The following COL23A1 variants were observed in gnomAD, a reference collection of about 807,000 sequenced individuals.
COL23A1 encodes the protein collagen type XXIII alpha 1 chain, also known as collagen alpha-1(XXIII) chain.
In COL23A1, 97 loss-of-function variants were observed where a neutral mutation model predicts 99.3. The ratio of observed to expected loss-of-function variants is 0.98; its 90% CI spans 0.83 to 1.16. COL23A1 has a LOEUF of 1.16. Ranked by LOEUF, COL23A1 falls within the 50% of genes most tolerant of loss-of-function variation. The pLI is 0.00. For synonymous variants in COL23A1, 320 were observed against 308.2 expected (o/e 1.04, Z -0.40); for missense variants, 762 against 757.4 (o/e 1.01, Z -0.07).
At position 178,270,354 on chromosome 5, in the gene COL23A1, C is replaced by G; in HGVS notation, c.451G>C (p.Gly151Arg). 1 of 1,613,946 alleles carries G rather than the reference C, an allele frequency of 6.2e-7. No homozygotes were observed. The highest frequency in any genetic ancestry group is 8.5e-7 in the Non-Finnish European group (1 of 1,179,960). The change falls in exon 6 of 29, where the codon GGT becomes CGT. Residue 151 changes from glycine to arginine, a missense_variant. Transcript: ENST00000390654. Reference sequence around the variant, plus strand: ...TCACTTACGGGCTTGCCATCCAAACCCAGGGGTCCCTGGAAAACGAGAGAG... The same window carrying G: ...TCACTTACGGGCTTGCCATCCAAACGCAGGGGTCCCTGGAAAACGAGAGAG... ...SGRDGYPGPL[G>R]LDGKPGLPGP...
chr5:178,492,065 T>C (rs1757962348), intron 2 of COL23A1, among the ~76,000 whole-genome samples: 1 of 152,212 alleles, frequency 6.6e-6, no homozygotes. Context: ...TTCAATTCAA[T>C]TAATACAAAT....
intron 19 of COL23A1, 104 bp from the exon 20 acceptor site, chr5:178,248,358 C>A: frequency 1.2e-6 from 1 of 813,770 alleles, no homozygotes; most frequent in East Asian, 2.8e-5. Context: ...CTCCTGAGAG[C>A]AGTCATCAGT....
intron 2 of COL23A1, among the ~76,000 whole-genome samples, chr5:178,488,918 C>T (rs1048858115): frequency 4.6e-5 from 7 of 152,160 alleles, no homozygotes; most frequent in Admixed American, 1.3e-4. Context: ...CGCTGAGCAG[C>T]GGTGCAAACA....
intron 1 of COL23A1, among the ~76,000 whole-genome samples, chr5:178,570,588 G>T (rs1763044378): frequency 6.6e-6 from 1 of 152,112 alleles, no homozygotes; most frequent in Non-Finnish European, 1.5e-5. Context: ...GACTAGATTT[G>T]CCATTCTGCC....
At chr5:178,316,071 T>A (rs927187637) in intron 2 of COL23A1, among the ~76,000 whole-genome samples, 4 of 152,196 alleles carry the variant, frequency 2.6e-5, no homozygotes, top group African/African-American at 7.2e-5. Context: ...GTTAGAGAGG[T>A]ATTTGTTTAA....
intron 2 of COL23A1, among the ~76,000 whole-genome samples, chr5:178,316,861 A>C (rs1408683322): frequency 6.6e-6 from 1 of 152,090 alleles, no homozygotes; most frequent in Non-Finnish European, 1.5e-5. Context: ...AAAAAAAAAA[A>C]ACGTTGCTTG....
intron 2 of COL23A1, among the ~76,000 whole-genome samples, chr5:178,425,592 C>T (rs984215550): frequency 3.6e-4 from 55 of 151,914 alleles, no homozygotes; most frequent in African/African-American, 1.2e-3. Flanking sequence ...GGAAATCAAA[C>T]GAGATATCAG....
intron 5 of COL23A1, among the ~76,000 whole-genome samples, chr5:178,272,720 A>G (rs1756360566): frequency 6.6e-6 from 1 of 151,976 alleles, no homozygotes; most frequent in African/African-American, 2.4e-5. Flanking sequence ...TCGGTAGTAC[A>G]CTAAATTTGG....
rs201886177 is a variant in COL23A1, at chr5:178,248,192, C to A, written c.1212G>T (p.Leu404=). The part of the protein sequence containing the change: ...ESASDSLQES[L]AQLIVEPGPP... ...CCCTGACCCCCCCATACCCCCTTAC[C>A]AGGCTCTCCTGTAGGCTGTCAGACG... The change falls in exon 20 of 29, where the codon CTG becomes CTT. Residue 404 remains leucine, a splice_region_variant and synonymous_variant. Transcript: ENST00000390654. 1,853 of 1,598,094 alleles carry A rather than the reference C, an allele frequency of 1.2e-3. 3 individuals carry two copies. The highest frequency in any genetic ancestry group is 1.4e-3 in the Non-Finnish European group (1,687 of 1,165,966).
intron 2 of COL23A1, among the ~76,000 whole-genome samples, chr5:178,486,555 G>A (rs1280360046): frequency 3.3e-5 from 5 of 152,068 alleles, no homozygotes; most frequent in African/African-American, 9.7e-5. Flanking sequence ...AAAAAGAAAC[G>A]AATAATTGGC....
At chr5:178,522,725 A>G (rs1231439915) in intron 2 of COL23A1, among the ~76,000 whole-genome samples, 1 of 152,164 alleles carries the variant, frequency 6.6e-6, no homozygotes, top group Non-Finnish European at 1.5e-5. Flanking sequence ...GACCAACACC[A>G]AAAGATGTGA....
intron 2 of COL23A1, among the ~76,000 whole-genome samples, chr5:178,373,293 G>A (rs1221230617): frequency 1.3e-5 from 2 of 152,240 alleles, no homozygotes; most frequent in African/African-American, 4.8e-5. Flanking sequence ...GGGTTGCCAT[G>A]GCTGTGAGAT....
chr5:178,262,625 G>A (rs1008826330), intron 9 of COL23A1, among the ~76,000 whole-genome samples: 1 of 152,166 alleles, frequency 6.6e-6, no homozygotes, highest in African/African-American at 2.4e-5. Flanking sequence ...GTAGGATGGG[G>A]CCTGGCCTCT....
At chr5:178,450,486 C>T (rs1242769045) in intron 2 of COL23A1, among the ~76,000 whole-genome samples, 1 of 152,136 alleles carries the variant, frequency 6.6e-6, no homozygotes, top group Admixed American at 6.5e-5. Context: ...GGACATCGCA[C>T]GCTGAGAACG....
At chr5:178,344,922 G>C (rs1760876935) in intron 2 of COL23A1, 2 of 699,914 alleles carry the variant, frequency 2.9e-6, no homozygotes, top group South Asian at 1.4e-5. Flanking sequence ...AGAGAATTTG[G>C]GTCTCGATCC....
intron 2 of COL23A1, among the ~76,000 whole-genome samples, chr5:178,367,146 G>C (rs1172654561): frequency 6.6e-6 from 1 of 152,208 alleles, no homozygotes; most frequent in Non-Finnish European, 1.5e-5. Flanking sequence ...ATCGTTATCT[G>C]AGGGTATCAC....
chr5:178,534,047 T>C (rs1760798634), intron 2 of COL23A1, among the ~76,000 whole-genome samples: 2 of 152,154 alleles, frequency 1.3e-5, no homozygotes, highest in Non-Finnish European at 2.9e-5. Flanking sequence ...AACCTGACAG[T>C]CTCTCCATTA....
At chr5:178,304,153 T>C (rs1183585023) in intron 3 of COL23A1, among the ~76,000 whole-genome samples, 1 of 152,028 alleles carries the variant, frequency 6.6e-6, no homozygotes, top group African/African-American at 2.4e-5. Flanking sequence ...GATCACCCTA[T>C]CTGCAGGCCT....
Position 178,310,039 on chromosome 5 carries a change from G to C in COL23A1, c.362-3120C>G, listed in dbSNP as rs1228545006. ...CCTGAAAAGACTGCAAGTCCAGCAAGCTCCAGGGCTTAGGAGAGACACAGG... is the reference window on the plus strand; with the variant it reads ...CCTGAAAAGACTGCAAGTCCAGCAACCTCCAGGGCTTAGGAGAGACACAGG... On this transcript the variant is annotated intron_variant, in intron 2 of 28. Coordinates refer to ENST00000390654, the MANE Select transcript of COL23A1 (RefSeq NM_173465.4). The surrounding 1 kb of genome is among the most constrained non-coding windows in gnomAD (Gnocchi z 4.3). Among the ~76,000 whole-genome samples the C allele has an allele frequency of 6.6e-6, 1 of 152,350 alleles. No individual in the cohort carries two copies. Among genetic ancestry groups the C allele is most frequent in the East Asian group, 1.9e-4 (1 of 5,182 alleles).
Sources: gnomAD v4.1 joint callset for allele counts (sites outside exome capture counted in the v4.1 genomes callset) on GRCh38, gnomAD v4.1.1 for gene constraint, Gnocchi (gnomAD v3.1) non-coding constraint, MANE v1.5 for transcripts, NCBI Gene and HGNC (gene_info 2026-07-23, HGNC 2026-07-21) for gene names.